The following LTBP1 variants were observed in gnomAD, a reference collection of about 807,000 sequenced individuals.
The protein encoded by LTBP1 is latent transforming growth factor beta binding protein 1.
In LTBP1, 129 loss-of-function variants were observed where a neutral mutation model predicts 207.6. The ratio of observed to expected loss-of-function variants is 0.62; its 90% CI spans 0.54 to 0.72. The LOEUF is 0.72. Ranked by LOEUF, LTBP1 falls within the 30% of genes least tolerant of loss-of-function variation. LTBP1 has a pLI of 0.00. For synonymous variants in LTBP1, 963 were observed against 833.7 expected, an observed-to-expected ratio of 1.16 and a Z score of -2.67; for missense variants, 2,281 against 2,217.2, an observed-to-expected ratio of 1.03 and a Z score of -0.58.
chr2:33,231,846 C>T (rs942622612), intron 9 of LTBP1, among the ~76,000 whole-genome samples: 2 of 152,188 alleles, frequency 1.3e-5, no homozygotes, highest in African/African-American at 4.8e-5. Context: ...GCTGGGAAAA[C>T]ACTTACTGGA....
At position 32,980,704 on chromosome 2, in the gene LTBP1, C is replaced by A. The variant is rs184260198; in HGVS notation, c.565+31759C>A. ...TACCTTCAGATGATTTCATATTGCT[C>A]CTTAATGTCCTTTTCTTTCAGATTG... On this transcript the variant is annotated intron_variant, in intron 2 of 33. Transcript: ENST00000404816. Among the ~76,000 whole-genome samples the A allele has an allele frequency of 1.7e-3, 253 of 152,218 alleles. 1 individual carries two copies. The highest frequency in any genetic ancestry group is 2.9e-3 in the Non-Finnish European group (194 of 67,984).
rs560461594 is a variant in LTBP1, at chr2:33,117,639, T to G, written c.1033+6888T>G. On this transcript the variant is annotated intron_variant, in intron 4 of 33. Coordinates refer to ENST00000404816, the MANE Select transcript of LTBP1 (RefSeq NM_206943.4). ...GCTTATGCCAGCCACTTCAGGGAGG[T>G]GGGCAAGAACGTTGCTTAAAGGCTC... is the stretch of plus-strand genomic sequence containing the variant. 9.6e-4 allele frequency among the ~76,000 whole-genome samples: 146 copies of G among 152,176 alleles called. 1 individual carries two copies. Among genetic ancestry groups the G allele is most frequent in the African/African-American group, 3.5e-3 (144 of 41,510 alleles).
chr2:33,097,481 A>G (rs937592140), intron 3 of LTBP1, among the ~76,000 whole-genome samples: 4 of 152,178 alleles, frequency 2.6e-5, no homozygotes, highest in Non-Finnish European at 5.9e-5. Context: ...TCATCTGTTT[A>G]TGCATTTATG....
At chr2:32,978,266 TA>T (rs555251920) in intron 2 of LTBP1, among the ~76,000 whole-genome samples, 196 of 152,338 alleles carry the variant, frequency 1.3e-3, no homozygotes, top group African/African-American at 4.5e-3. Context: ...AATAACAGTA[TA>T]AAAGTGGGCC....
chr2:32,995,434 T>C (rs892705291), intron 2 of LTBP1, among the ~76,000 whole-genome samples: 2 of 152,146 alleles, frequency 1.3e-5, no homozygotes, highest in African/African-American at 4.8e-5. Context: ...TGAAGGCTAA[T>C]CATTGTGGTT....
intron 19 of LTBP1, among the ~76,000 whole-genome samples, chr2:33,283,060 TCAAAAAAAAAA>T: frequency 1.4e-5 from 1 of 69,446 alleles, no homozygotes; most frequent in Non-Finnish European, 2.4e-5. Flanking sequence ...AGACTCCATC[TCAAAAAAAAAA>T]AAAAAAAAAA....
At chr2:33,135,050 T>C in intron 5 of LTBP1, 90 bp downstream of exon 5, 1 of 1,291,182 alleles carries the variant, frequency 7.7e-7, no homozygotes. Flanking sequence ...CACACTGCTG[T>C]CTGCTTCAAT....
At chr2:33,077,862 A>G (rs2149822514) in intron 3 of LTBP1, among the ~76,000 whole-genome samples, 1 of 152,206 alleles carries the variant, frequency 6.6e-6, no homozygotes, top group East Asian at 1.9e-4. Context: ...CTTTTGCAAC[A>G]TCTTGGTGGG....
At chr2:33,127,291 T>C (rs2081488270) in intron 4 of LTBP1, among the ~76,000 whole-genome samples, 1 of 152,212 alleles carries the variant, frequency 6.6e-6, no homozygotes, top group South Asian at 2.1e-4. Context: ...TTTCCTTCAC[T>C]ATGTCTGCCT....
chr2:33,278,916 A>C (rs543512538), intron 18 of LTBP1, among the ~76,000 whole-genome samples: 1 of 152,228 alleles, frequency 6.6e-6, no homozygotes, highest in South Asian at 2.1e-4. Context: ...TGTTAATATC[A>C]TCTTTAACTT....
intron 4 of LTBP1, among the ~76,000 whole-genome samples, chr2:33,118,207 A>C (rs538843035): frequency 3.4e-4 from 52 of 151,932 alleles, no homozygotes; most frequent in Admixed American, 1.6e-3. Context: ...AAAAAAACAA[A>C]AAAAAAACAA....
At chr2:33,354,714 A>G (rs1419600739) in intron 26 of LTBP1, among the ~76,000 whole-genome samples, 3 of 148,634 alleles carry the variant, frequency 2.0e-5, no homozygotes, top group Non-Finnish European at 3.0e-5. Flanking sequence ...ACACACACAC[A>G]CACACACACA....
chr2:33,230,295 A>C (rs928444465), intron 9 of LTBP1, among the ~76,000 whole-genome samples: 2 of 152,202 alleles, frequency 1.3e-5, no homozygotes, highest in African/African-American at 2.4e-5. Flanking sequence ...ACTAATGTGC[A>C]CTCAGTAACA....
intron 4 of LTBP1, among the ~76,000 whole-genome samples, chr2:33,113,385 A>T (rs1250096299): frequency 2.0e-5 from 3 of 152,228 alleles, no homozygotes; most frequent in Non-Finnish European, 4.4e-5. Flanking sequence ...TGTTTTGAAT[A>T]AGCAGGAAAG....
intron 2 of LTBP1, among the ~76,000 whole-genome samples, chr2:33,015,075 T>G (rs1280690427): frequency 6.6e-6 from 1 of 152,012 alleles, no homozygotes; most frequent in Admixed American, 6.6e-5. Flanking sequence ...AATAACCTCC[T>G]AAATGTTATG....
intron 3 of LTBP1, among the ~76,000 whole-genome samples, chr2:33,035,539 T>C (rs2075880265): frequency 6.6e-6 from 1 of 152,236 alleles, no homozygotes. Context: ...CTGTATTTCT[T>C]CATACTTTCT....
At chr2:33,203,366 A>G (rs1046867860) in intron 7 of LTBP1, among the ~76,000 whole-genome samples, 4 of 152,078 alleles carry the variant, frequency 2.6e-5, no homozygotes, top group Non-Finnish European at 5.9e-5. Context: ...GCCAGTGGAG[A>G]GGAGAACTGC....
intron 19 of LTBP1, among the ~76,000 whole-genome samples, chr2:33,282,103 G>A (rs954750796): frequency 1.3e-5 from 2 of 149,500 alleles, no homozygotes; most frequent in Non-Finnish European, 1.5e-5. Flanking sequence ...TTTAGTGATA[G>A]AAGCACAGCA....
intron 23 of LTBP1, among the ~76,000 whole-genome samples, chr2:33,312,122 C>A (rs1327109734): frequency 6.6e-6 from 1 of 152,170 alleles, no homozygotes; most frequent in Non-Finnish European, 1.5e-5. Context: ...TGTGATCTTT[C>A]ACTCTGCCTG....
Sources: allele counts gnomAD v4.1 joint callset (sites outside exome capture counted in the v4.1 genomes callset), GRCh38; gene constraint gnomAD v4.1.1; transcripts MANE v1.5; gene names NCBI Gene and HGNC (gene_info 2026-07-23, HGNC 2026-07-21).